The following DLC1 variants were observed in gnomAD, a reference collection of about 807,000 sequenced individuals.
DLC1 encodes DLC1 Rho GTPase activating protein.
Under a neutral mutation model 140.3 loss-of-function variants are expected in DLC1, and 54 were observed. The observed-to-expected ratio is 0.38, with a 90% confidence interval of 0.31 to 0.48. The LOEUF is 0.48. Ranked by LOEUF, DLC1 falls within the 20% of genes least tolerant of loss-of-function variation. The pLI, the probability that DLC1 is intolerant of heterozygous loss-of-function variation, is 0.96. For synonymous variants in DLC1, 986 were observed against 728.1 expected (o/e 1.35, Z -5.70); for missense variants, 2,536 against 1,907.0 (o/e 1.33, Z -6.14).
intron 5 of DLC1, among the ~76,000 whole-genome samples, chr8:13,302,635 T>A (rs1832246574): frequency 6.6e-6 from 1 of 151,862 alleles, no homozygotes; most frequent in Non-Finnish European, 1.5e-5. Flanking sequence ...TCCAGTTAGC[T>A]TGGATGAGAG....
intron 5 of DLC1, among the ~76,000 whole-genome samples, chr8:13,241,699 G>A (rs950746902): frequency 6.6e-6 from 1 of 152,188 alleles, no homozygotes; most frequent in Admixed American, 6.5e-5. Context: ...GGTTGAGAAT[G>A]TTGCTTTTAT....
At chr8:13,386,667 A>T (rs1393990710) in intron 4 of DLC1, among the ~76,000 whole-genome samples, 1 of 152,118 alleles carries the variant, frequency 6.6e-6, no homozygotes, top group African/African-American at 2.4e-5. Context: ...AAAGTCCAAA[A>T]TTAATGAATT....
chr8:13,393,410 C>T (rs1836856369), intron 4 of DLC1, 143 bp downstream of exon 4: 10 of 945,114 alleles, frequency 1.1e-5, no homozygotes, highest in Admixed American at 3.2e-5. Flanking sequence ...TAGGGTTGTA[C>T]TTAATTAAAT....
At chr8:13,118,767 A>G (rs1280756142) in intron 5 of DLC1, among the ~76,000 whole-genome samples, 1 of 152,098 alleles carries the variant, frequency 6.6e-6, no homozygotes, top group African/African-American at 2.4e-5. Context: ...TCATTCCCCG[A>G]TTCACACCAT....
intron 2 of DLC1, among the ~76,000 whole-genome samples, chr8:13,469,643 A>T (rs1217869681): frequency 6.6e-6 from 1 of 152,222 alleles, no homozygotes; most frequent in Admixed American, 6.5e-5. Flanking sequence ...TAAAAGTTTT[A>T]TTGAAATCTG....
At chr8:13,374,917 T>C (rs1441574986) in intron 4 of DLC1, among the ~76,000 whole-genome samples, 1 of 152,210 alleles carries the variant, frequency 6.6e-6, no homozygotes, top group African/African-American at 2.4e-5. Context: ...TCACATCCCT[T>C]GTAAGTAGGA....
intron 1 of DLC1, among the ~76,000 whole-genome samples, chr8:13,551,780 C>G: frequency 6.6e-6 from 1 of 150,620 alleles, no homozygotes; most frequent in East Asian, 2.0e-4. Context: ...ATCTATCAAA[C>G]ATATATGTAT....
intron 1 of DLC1, among the ~76,000 whole-genome samples, chr8:13,526,779 GGGGGACA>G: frequency 6.6e-6 from 1 of 152,132 alleles, no homozygotes; most frequent in East Asian, 1.9e-4. Context: ...CCAGGGGGTT[GGGGGACA>G]GGGGAGGGAT....
At chr8:13,292,095 G>GTT (rs1165160121) in intron 5 of DLC1, among the ~76,000 whole-genome samples, 1 of 151,306 alleles carries the variant, frequency 6.6e-6, no homozygotes, top group Admixed American at 6.6e-5. Context: ...GTGATCTGCA[G>GTT]TTTTTTTGTT....
At chr8:13,312,156 T>G in intron 4 of DLC1, among the ~76,000 whole-genome samples, 1 of 129,306 alleles carries the variant, frequency 7.7e-6, no homozygotes, top group Non-Finnish European at 1.7e-5. Flanking sequence ...GGTCAGGAGA[T>G]CGAGACCATC....
chr8:13,438,390 G>A (rs1839216894), intron 2 of DLC1, among the ~76,000 whole-genome samples: 1 of 152,062 alleles, frequency 6.6e-6, no homozygotes, highest in African/African-American at 2.4e-5. Flanking sequence ...ATTTGGAATT[G>A]TCGCTTGCAT....
Position 13,099,474 on chromosome 8 carries a change from C to G in DLC1, c.2863G>C (p.Asp955His). The G allele has an allele frequency of 6.2e-7, 1 of 1,614,162 alleles. No individual in the cohort carries two copies. ...SSPKQIHLDV[D>H]NDRTTPSDLD... ...TCGCTGGGTGTGGTTCGGTCGTTGTCCACATCCAGGTGTATCTGTTTTGGA... is the reference window on the plus strand; with the variant it reads ...TCGCTGGGTGTGGTTCGGTCGTTGTGCACATCCAGGTGTATCTGTTTTGGA... Residue 955 changes from aspartate (D) to histidine (H), a missense_variant, in exon 9 of 18, where the codon GAC becomes CAC. Coordinates refer to ENST00000276297, the MANE Select transcript of DLC1 (RefSeq NM_182643.3).
intron 5 of DLC1, among the ~76,000 whole-genome samples, chr8:13,216,352 C>T (rs1213299416): frequency 1.3e-5 from 2 of 152,122 alleles, no homozygotes. Flanking sequence ...CAAAGCCACC[C>T]AGCTGCCAGG....
At chr8:13,583,366 G>A (rs1022792295) in intron 1 of DLC1, among the ~76,000 whole-genome samples, 10 of 152,110 alleles carry the variant, frequency 6.6e-5, no homozygotes, top group East Asian at 1.9e-4. Context: ...TCAAGAAGCC[G>A]CTTTCTTTGC....
chr8:13,598,914 A>G (rs116760284), intron 1 of DLC1, among the ~76,000 whole-genome samples: 2,429 of 152,000 alleles, frequency 0.016, 76 homozygotes, highest in African/African-American at 0.055. Flanking sequence ...TCATTATTCT[A>G]AATAAAAAAA....
intron 8 of DLC1, 130 bp downstream of exon 8, chr8:13,102,660 A>G (rs550358029): frequency 2.0e-5 from 16 of 803,782 alleles, no homozygotes; most frequent in Non-Finnish European, 3.2e-5. Flanking sequence ...AGGCGATATC[A>G]TTCAAGATGT....
rs187739702 is a variant in DLC1, at chr8:13,174,026, C to T, written c.1349-58369G>A. On this transcript the variant is annotated intron_variant, in intron 5 of 17. Transcript: ENST00000276297. The stretch of plus-strand genomic sequence containing the variant: ...CCTTGTTTCCCTCCTTCACTCTTCC[C>T]CCTATTATAGTCCCCAGTGTCTGTT... 6.1e-3 allele frequency among the ~76,000 whole-genome samples: 933 copies of T among 152,148 alleles called. 7 individuals are homozygous for T. The highest frequency in any genetic ancestry group is 0.02 in the Middle Eastern group (6 of 294).
At chr8:13,447,615 G>C (rs1293196698) in intron 2 of DLC1, among the ~76,000 whole-genome samples, 1 of 152,100 alleles carries the variant, frequency 6.6e-6, no homozygotes, top group Admixed American at 6.6e-5. Flanking sequence ...AGTTCTTCTA[G>C]GTAATAAACG....
At chr8:13,587,262 G>C (rs1404208186) in intron 1 of DLC1, among the ~76,000 whole-genome samples, 1 of 151,350 alleles carries the variant, frequency 6.6e-6, no homozygotes, top group Admixed American at 6.6e-5. Flanking sequence ...CTTTTAAAGG[G>C]TGTGCTTTTA....
Sources: gnomAD v4.1 joint callset for allele counts (sites outside exome capture counted in the v4.1 genomes callset) on GRCh38, gnomAD v4.1.1 for gene constraint, MANE v1.5 for transcripts, NCBI Gene and HGNC (gene_info 2026-07-23, HGNC 2026-07-21) for gene names.